Variants in NCKAP5 observed in about 807,000 individuals in gnomAD.
NCKAP5 encodes the protein NCK associated protein 5.
NCKAP5 carries 92 observed loss-of-function variants against 167.0 expected under a neutral mutation model. The ratio of observed to expected loss-of-function variants is 0.55; its 90% confidence interval spans 0.47 to 0.66. The LOEUF (loss-of-function observed/expected upper bound fraction) is 0.66, where lower values mean the gene tolerates loss of function less well. Ranked by LOEUF, NCKAP5 falls within the 30% of genes least tolerant of loss-of-function variation. NCKAP5 has a pLI of 0.00. For synonymous variants in NCKAP5, 891 were observed against 877.4 expected (o/e 1.02, Z -0.27); for missense variants, 2,378 against 2,315.0 (o/e 1.03, Z -0.56).
At chr2:132,756,108 C>G (rs897735809) in intron 16 of NCKAP5, among the ~76,000 whole-genome samples, 3 of 151,966 alleles carry the variant, frequency 2.0e-5, no homozygotes, top group Non-Finnish European at 4.4e-5. Flanking sequence ...ACCATAGCAC[C>G]CAGGCTGTGA....
the NCKAP5 span, among the ~76,000 whole-genome samples, chr2:133,617,660 A>G: frequency 6.6e-6 from 1 of 150,622 alleles, no homozygotes; most frequent in East Asian, 1.9e-4. Flanking sequence ...AAGAGGATAC[A>G]AACAAATGGA....
At chr2:133,056,297 A>G (rs922258413) in intron 6 of NCKAP5, among the ~76,000 whole-genome samples, 7 of 152,058 alleles carry the variant, frequency 4.6e-5, no homozygotes, top group South Asian at 2.1e-4. Context: ...CTATTTTAAC[A>G]ATTTACCTTT....
At chr2:133,276,149 G>T (rs985573198) in intron 4 of NCKAP5, among the ~76,000 whole-genome samples, 8 of 151,998 alleles carry the variant, frequency 5.3e-5, no homozygotes, top group Non-Finnish European at 1.2e-4. Context: ...TCTTCCTTAT[G>T]ATTTTCTTAA....
chr2:133,470,408 C>T (rs1007403579), intron 3 of NCKAP5, among the ~76,000 whole-genome samples: 29 of 152,312 alleles, frequency 1.9e-4, no homozygotes, highest in African/African-American at 6.5e-4. Context: ...CCACTGCTCT[C>T]TTCAAAGCTG....
chr2:132,718,927 G>A (rs1689637258), intron 19 of NCKAP5, among the ~76,000 whole-genome samples: 1 of 152,180 alleles, frequency 6.6e-6, no homozygotes, highest in South Asian at 2.1e-4. Flanking sequence ...GGTCTTACAG[G>A]GGAACAGACA....
At chr2:132,976,084 G>A (rs2076969278) in intron 7 of NCKAP5, among the ~76,000 whole-genome samples, 1 of 152,144 alleles carries the variant, frequency 6.6e-6, no homozygotes, top group Admixed American at 6.6e-5. Context: ...TGTCACAAAT[G>A]GATGAACCTG....
intron 16 of NCKAP5, among the ~76,000 whole-genome samples, chr2:132,771,723 A>ATC (rs2104942521): frequency 6.6e-6 from 1 of 150,788 alleles, no homozygotes; most frequent in Admixed American, 6.6e-5. Flanking sequence ...CCCAGGCTAG[A>ATC]GTGCATTGGC....
chr2:133,605,648 T>G, the NCKAP5 span, among the ~76,000 whole-genome samples: 1 of 152,228 alleles, frequency 6.6e-6, no homozygotes, highest in African/African-American at 2.4e-5. Context: ...AAGCTTCTTA[T>G]GCATAGGGTA....
chr2:133,465,553 T>C (rs2151253662), intron 3 of NCKAP5, among the ~76,000 whole-genome samples: 1 of 152,302 alleles, frequency 6.6e-6, no homozygotes. Context: ...CAAATGGTAT[T>C]TCCAGTTCTA....
At position 132,783,156 on chromosome 2, in the gene NCKAP5, A is replaced by G; in HGVS notation, c.3655T>C (p.Leu1219=). ...GTTTCCAGGGGAAGCCCATCAGCTA[A>G]ACTGCCCTGTGCTTGTGAATCCGGT... The part of the protein sequence containing the change: ...TLPDSQAQGS[L]ADGLPLETAL... The change falls in exon 14 of 20, where the codon TTA becomes CTA. Residue 1219 remains leucine, a synonymous_variant. Transcript: ENST00000409261. 6.2e-7 allele frequency: 1 copy of G among 1,613,608 alleles called. No individual in the cohort carries two copies. Among genetic ancestry groups the G allele is most frequent in the Non-Finnish European group, 8.5e-7 (1 of 1,179,786 alleles).
At chr2:132,814,324 T>C (rs531263494) in intron 11 of NCKAP5, among the ~76,000 whole-genome samples, 9 of 152,320 alleles carry the variant, frequency 5.9e-5, no homozygotes, top group Admixed American at 2.0e-4. Flanking sequence ...AAACAAGCAG[T>C]TGAAAATTGT....
intron 8 of NCKAP5, among the ~76,000 whole-genome samples, chr2:132,950,516 T>C (rs1256078713): frequency 1.3e-5 from 2 of 152,184 alleles, no homozygotes; most frequent in African/African-American, 2.4e-5. Context: ...AGGTCATAAA[T>C]GGGATGTGCA....
At chr2:132,890,714 C>T (rs1692627765) in intron 8 of NCKAP5, among the ~76,000 whole-genome samples, 1 of 152,150 alleles carries the variant, frequency 6.6e-6, no homozygotes. Context: ...TTCTGAATCA[C>T]TCATCTTATC....
In NCKAP5 at chr2:132,835,473, T is replaced by G. The variant is rs553277983; in HGVS notation, c.807+25019A>C. On this transcript the variant is annotated intron_variant, in intron 11 of 19. Transcript: ENST00000409261. ...TTTATCTTCCTTAGAACACTAAGCA[T>G]TCAATTTCATTAGTATAAAGCTTTC... Among the ~76,000 whole-genome samples the G allele has an allele frequency of 8.5e-5, 13 of 152,306 alleles. No individual in the cohort carries two copies. The East Asian group carries it at 2.5e-3, about 29-fold the overall frequency.
chr2:133,456,767 G>T (rs1207257923), intron 3 of NCKAP5, among the ~76,000 whole-genome samples: 1 of 152,146 alleles, frequency 6.6e-6, no homozygotes, highest in East Asian at 1.9e-4. Context: ...TTTTTAATTG[G>T]CCTTTCTTGT....
chr2:133,015,085 A>G (rs894156916), intron 6 of NCKAP5, among the ~76,000 whole-genome samples: 2 of 152,248 alleles, frequency 1.3e-5, no homozygotes, highest in Non-Finnish European at 2.9e-5. Flanking sequence ...CCAGATGGTA[A>G]AAGGCTTTAA....
chr2:133,498,512 C>A (rs1289700118), intron 3 of NCKAP5, among the ~76,000 whole-genome samples: 1 of 125,554 alleles, frequency 8.0e-6, no homozygotes, highest in Non-Finnish European at 1.6e-5. Flanking sequence ...GGCAGGCAGG[C>A]AGCCAAGAAG....
Position 132,831,398 on chromosome 2 carries a change from C to T in NCKAP5, c.807+29094G>A, listed in dbSNP as rs551072108. Among the ~76,000 whole-genome samples the T allele has an allele frequency of 5.9e-5, 9 of 152,080 alleles. No homozygotes were observed. The East Asian group carries it at 7.7e-4, about 13-fold the overall frequency. Reference sequence around the variant, plus strand: ...TTACCTTTCAACAAAAGTGTAGCACCCACTTATCACACTCTAAATACTGGA... The same window carrying T: ...TTACCTTTCAACAAAAGTGTAGCACTCACTTATCACACTCTAAATACTGGA... On this transcript the variant is annotated intron_variant, in intron 11 of 19. Transcript: ENST00000409261.
At position 133,444,586 on chromosome 2, in the gene NCKAP5, A is replaced by G. The variant is rs146456044; in HGVS notation, c.69+72872T>C. ...TCCCAGCACGGTGTTAAAAGGATCA[A>G]GTGAGATAACAAATGTGAGACACCC... On this transcript the variant is annotated intron_variant, in intron 3 of 19. Coordinates refer to ENST00000409261, the MANE Select transcript of NCKAP5 (RefSeq NM_207363.3). Among the ~76,000 whole-genome samples, 310 of 152,328 alleles carry G rather than the reference A, an allele frequency of 2.0e-3. 1 individual carries two copies. Among genetic ancestry groups the G allele is most frequent in the African/African-American group, 7.1e-3 (297 of 41,576 alleles).
Sources: allele counts gnomAD v4.1 joint callset (sites outside exome capture counted in the v4.1 genomes callset), GRCh38; gene constraint gnomAD v4.1.1; transcripts MANE v1.5; gene names NCBI Gene and HGNC (gene_info 2026-07-23, HGNC 2026-07-21).